Variants in HS6ST2 observed in about 807,000 individuals in gnomAD.
HS6ST2 encodes the protein heparan-sulfate 6-O-sulfotransferase 2.
A neutral mutation model predicts 33.0 loss-of-function variants in HS6ST2; 17 were observed. The ratio of observed to expected loss-of-function variants is 0.52; its 90% CI spans 0.35 to 0.77. The LOEUF is 0.77. Among genes scored for constraint, HS6ST2 ranks in the 30% least tolerant of loss-of-function variants. HS6ST2 has a pLI of 0.01. For synonymous variants in HS6ST2, 248 were observed against 237.1 expected (o/e 1.05, Z -0.42); for missense variants, 519 against 551.7 (o/e 0.94, Z 0.59).
intron 2 of HS6ST2, among the ~76,000 whole-genome samples, chrX:132,790,984 A>ATTTT (rs376082500): frequency 2.9e-5 from 3 of 105,099 alleles, no homozygotes; most frequent in African/African-American, 6.9e-5. Context: ...CCGTCTCTAC[A>ATTTT]TTTTTTTTTT....
intron 2 of HS6ST2, among the ~76,000 whole-genome samples, chrX:132,755,971 G>A (rs1433102837): frequency 1.8e-5 from 2 of 111,842 alleles, no homozygotes; most frequent in African/African-American, 6.5e-5. Flanking sequence ...AAAGGGTGTA[G>A]CTTAAGGCCA....
rs149380133 is a variant in HS6ST2 at position 132,630,765 on chromosome X, G to A, written c.1068-1672C>T. On this transcript the variant is annotated intron_variant, in intron 4 of 4. Transcript: ENST00000370833. ...AGTTTGAGACCAGCCTGGACAACAC[G>A]GTGAAACCCCATCTGTTAAAAATAC... is the stretch of plus-strand genomic sequence containing the variant. Among the ~76,000 whole-genome samples the A allele has an allele frequency of 6.3e-3, 697 of 110,776 alleles. 11 individuals carry two copies. The highest frequency in any genetic ancestry group is 0.022 in the African/African-American group (667 of 30,421).
intron 2 of HS6ST2, among the ~76,000 whole-genome samples, chrX:132,708,943 C>A (rs1337828615): frequency 8.9e-6 from 1 of 112,268 alleles, no homozygotes; most frequent in Non-Finnish European, 1.9e-5. Flanking sequence ...CAGGAATATA[C>A]GAAACACAAA....
At chrX:132,741,543 A>T (rs781672361) in intron 2 of HS6ST2, among the ~76,000 whole-genome samples, 1 of 110,841 alleles carries the variant, frequency 9.0e-6, no homozygotes, top group African/African-American at 3.3e-5. Context: ...CAGTATCCCA[A>T]AGTGCTGGGA....
chrX:132,848,119 G>A (rs1441918739), intron 2 of HS6ST2, among the ~76,000 whole-genome samples: 2 of 111,946 alleles, frequency 1.8e-5, no homozygotes, highest in Non-Finnish European at 3.8e-5. Context: ...TGCCAGTGCT[G>A]TGTTTTTTTT....
intron 2 of HS6ST2, among the ~76,000 whole-genome samples, chrX:132,816,657 T>C (rs2065397486): frequency 8.9e-6 from 1 of 112,136 alleles, no homozygotes; most frequent in African/African-American, 3.2e-5. Context: ...CTCATGCATC[T>C]GATTGACTTA....
At chrX:132,953,223 T>C (rs1201572349) in intron 2 of HS6ST2, among the ~76,000 whole-genome samples, 1 of 111,970 alleles carries the variant, frequency 8.9e-6, no homozygotes, top group Non-Finnish European at 1.9e-5. Context: ...TCAAAAATGG[T>C]CTCAGAAATT....
At chrX:132,899,567 C>A (rs2066408771) in intron 2 of HS6ST2, among the ~76,000 whole-genome samples, 1 of 110,732 alleles carries the variant, frequency 9.0e-6, no homozygotes, top group African/African-American at 3.3e-5. Context: ...CCTAAAGACA[C>A]AGCAATAGAA....
intron 2 of HS6ST2, among the ~76,000 whole-genome samples, chrX:132,778,453 G>T (rs2064986521): frequency 9.0e-6 from 1 of 111,404 alleles, no homozygotes; most frequent in African/African-American, 3.3e-5. Context: ...AGGCTGGAGT[G>T]CAGTGGCATA....
At chrX:132,833,202 A>G (rs1602728358) in intron 2 of HS6ST2, among the ~76,000 whole-genome samples, 1 of 111,676 alleles carries the variant, frequency 9.0e-6, no homozygotes, top group Middle Eastern at 4.6e-3. Context: ...CTGTTTCTGG[A>G]AACTTGAATA....
At chrX:132,915,338 G>A (rs879248011) in intron 2 of HS6ST2, among the ~76,000 whole-genome samples, 10 of 112,580 alleles carry the variant, frequency 8.9e-5, no homozygotes, top group Admixed American at 3.8e-4. Flanking sequence ...ATGACTCAAC[G>A]TCCCTGGTGA....
At chrX:132,739,322 G>A (rs1265672287) in intron 2 of HS6ST2, among the ~76,000 whole-genome samples, 1 of 111,075 alleles carries the variant, frequency 9.0e-6, no homozygotes, top group African/African-American at 3.3e-5. Context: ...GTACTCCAAG[G>A]TCCTTTTAAG....
At chrX:132,720,403 C>T (rs954815303) in intron 2 of HS6ST2, among the ~76,000 whole-genome samples, 4 of 110,638 alleles carry the variant, frequency 3.6e-5, no homozygotes, top group Non-Finnish European at 5.7e-5. Context: ...TGGCAGTTGC[C>T]CTTCATACTC....
At position 132,628,992 on chromosome X, in the gene HS6ST2, A is replaced by T. The variant is rs1374350998; in HGVS notation, c.1169T>A (p.Val390Asp). 1 of 1,208,282 alleles carries T rather than the reference A, an allele frequency of 8.3e-7. No homozygotes were observed. The highest frequency in any genetic ancestry group is 3.0e-5 in the East Asian group (1 of 33,615). The change falls in exon 5 of 5, where the codon GTC (valine) becomes GAC (aspartate). Residue 390 changes from valine to aspartate, a missense_variant. Val to Asp is a radical substitution (Grantham distance 152, BLOSUM62 -3). Transcript: ENST00000370833. ...GGAGGTTGGAGGCCTTCCATCGCAG[A>T]CATGCAGGGATGCTTTCCATGTTGC... is the stretch of plus-strand genomic sequence containing the variant. The part of the protein sequence containing the change: ...RGATWKASLH[V>D]CDGRPPTSEE...
chrX:132,803,095 G>T (rs192109693), intron 2 of HS6ST2, among the ~76,000 whole-genome samples: 117 of 111,350 alleles, frequency 1.1e-3, no homozygotes, highest in Middle Eastern at 4.6e-3. Context: ...ACAGATGTTC[G>T]GTCCAGTTCC....
chrX:132,705,740 G>A (rs2064184415), intron 3 of HS6ST2, among the ~76,000 whole-genome samples: 1 of 111,843 alleles, frequency 8.9e-6, no homozygotes, highest in Non-Finnish European at 1.9e-5. Flanking sequence ...AGCAGCGCCA[G>A]GATTGGACCC....
chrX:132,661,584 A>C (rs1240100653), intron 4 of HS6ST2, among the ~76,000 whole-genome samples: 2 of 112,204 alleles, frequency 1.8e-5, no homozygotes, highest in African/African-American at 6.5e-5. Context: ...GTTCATGGTA[A>C]CTCAATATTG....
intron 2 of HS6ST2, among the ~76,000 whole-genome samples, chrX:132,936,656 C>A (rs1477428483): frequency 9.0e-6 from 1 of 111,150 alleles, no homozygotes; most frequent in Non-Finnish European, 1.9e-5. Context: ...ACACTGAGTA[C>A]ACTTAGATAC....
intron 2 of HS6ST2, 21 bp downstream of exon 2, chrX:132,956,787 C>G: frequency 8.7e-7 from 1 of 1,146,000 alleles, no homozygotes; most frequent in Non-Finnish European, 1.2e-6. Context: ...GGGTCCCGCT[C>G]GACTACCGGC....
Sources: gnomAD v4.1 joint callset for allele counts (sites outside exome capture counted in the v4.1 genomes callset) on GRCh38, gnomAD v4.1.1 for gene constraint, MANE v1.5 for transcripts, NCBI Gene and HGNC (gene_info 2026-07-23, HGNC 2026-07-21) for gene names.